The following THTPA variants were observed in gnomAD, a reference collection of about 807,000 sequenced individuals.
The protein encoded by THTPA is thiamine-triphosphatase.
A neutral mutation model predicts 16.5 loss-of-function variants in THTPA; 16 were observed. That is an observed-to-expected ratio of 0.97 (90% confidence interval 0.66 to 1.47). THTPA has a LOEUF of 1.47. Among genes scored for constraint, THTPA ranks in the 40% most tolerant of loss-of-function variants. The pLI, the probability that THTPA is intolerant of heterozygous loss-of-function variation, is 0.00. For synonymous variants in THTPA, 110 were observed against 115.5 expected, an observed-to-expected ratio of 0.95 and a Z score of 0.30; for missense variants, 281 against 280.9, an observed-to-expected ratio of 1.00 and a Z score of 0.00.
At chr14:23,524,374 C>T in the THTPA span, 14 of 1,536,230 alleles carry the variant, frequency 9.1e-6, no homozygotes, top group Non-Finnish European at 1.2e-5. This position sits in a 1 kb window ranked among gnomAD's most constrained non-coding sequence, Gnocchi z 5.6. Context: ...GGCGCTTGTC[C>T]CTGGGGGGCT....
chr14:23,527,743 G>A, the THTPA span: 3 of 1,536,140 alleles, frequency 2.0e-6, no homozygotes, highest in East Asian at 2.4e-5. Flanking sequence ...CTGGGAGAGT[G>A]TATGAGCCCT....
At chr14:23,516,027 G>A in the THTPA span, among the ~76,000 whole-genome samples, 1 of 152,120 alleles carries the variant, frequency 6.6e-6, no homozygotes, top group Non-Finnish European at 1.5e-5. Flanking sequence ...CCCTGGTGTG[G>A]TAGCCCCTGG....
chr14:23,517,621 T>A, the THTPA span, among the ~76,000 whole-genome samples: 2 of 152,224 alleles, frequency 1.3e-5, no homozygotes, highest in Non-Finnish European at 2.9e-5. Flanking sequence ...AAAAGTTTCC[T>A]CCTAATTTGC....
the THTPA span, chr14:23,525,049 C>T: frequency 2.0e-6 from 3 of 1,536,220 alleles, no homozygotes; most frequent in Admixed American, 2.0e-5. The surrounding 1 kb of genome is among the most constrained non-coding windows in gnomAD (Gnocchi z 5.9). Context: ...CCAGACCCAA[C>T]AGACTTGCGA....
chr14:23,553,699 C>T (rs1882137377), upstream of THTPA, among the ~76,000 whole-genome samples: 1 of 150,676 alleles, frequency 6.6e-6, no homozygotes, highest in Non-Finnish European at 1.5e-5. Flanking sequence ...TCGAGACCAT[C>T]CTGACTAACA....
chr14:23,552,689 C>T (rs1882067443), upstream of THTPA, among the ~76,000 whole-genome samples: 1 of 151,996 alleles, frequency 6.6e-6, no homozygotes, highest in African/African-American at 2.4e-5. Flanking sequence ...GCAACCTTCA[C>T]CTCCCAGGTT....
chr14:23,524,489 A>AG, the THTPA span: 1 of 1,529,948 alleles, frequency 6.5e-7, no homozygotes, highest in Non-Finnish European at 8.7e-7. The surrounding 1 kb of genome is among the most constrained non-coding windows in gnomAD (Gnocchi z 5.6). Flanking sequence ...GGCTGCCACC[A>AG]GGGGGTTTCT....
chr14:23,520,768 T>G, the THTPA span: 28 of 112,498 alleles, frequency 2.5e-4, no homozygotes, highest in Admixed American at 3.5e-3. This position sits in a 1 kb window ranked among gnomAD's most constrained non-coding sequence, Gnocchi z 8.7. Context: ...CTTCCAAAGA[T>G]GAGGTGGTTT....
the THTPA span, among the ~76,000 whole-genome samples, chr14:23,545,765 C>G: frequency 6.6e-6 from 1 of 152,090 alleles, no homozygotes; most frequent in African/African-American, 2.4e-5. Flanking sequence ...GTGATGGAGG[C>G]AAGAGAAGCA....
In THTPA at chr14:23,557,266, C is replaced by T. The variant is rs1882506418; in HGVS notation, c.509C>T (p.Thr170Ile). ...ALVHEEAEVPTALEKIHRLSS... is the reference protein window; with the variant it reads ...ALVHEEAEVPIALEKIHRLSS... ...GTGCATGAGGAGGCTGAAGTACCAACTGCCCTAGAGAAGATCCACAGGCTC... is the reference window on the plus strand; with the variant it reads ...GTGCATGAGGAGGCTGAAGTACCAATTGCCCTAGAGAAGATCCACAGGCTC... The change falls in exon 1 of 2, where the codon ACT becomes ATT. Residue 170 changes from threonine (T) to isoleucine (I), a missense_variant. Thr to Ile is a moderately conservative substitution (Grantham distance 89). Coordinates refer to ENST00000288014, the MANE Select transcript of THTPA (RefSeq NM_024328.6). 3 of 1,609,528 alleles carry T rather than the reference C, an allele frequency of 1.9e-6. No homozygotes were observed. The highest frequency in any genetic ancestry group is 4.5e-5 in the East Asian group (2 of 44,874).
At chr14:23,533,532 T>C in the THTPA span, 4 of 1,536,004 alleles carry the variant, frequency 2.6e-6, no homozygotes, top group African/African-American at 1.4e-5. The surrounding 1 kb of genome is among the most constrained non-coding windows in gnomAD (Gnocchi z 4.8). Flanking sequence ...GGTGCAGCAT[T>C]AGGACATTCT....
chr14:23,513,632 C>A, the THTPA span: 1 of 152,816 alleles, frequency 6.5e-6, no homozygotes, highest in South Asian at 2.1e-4. Context: ...TAGCTGCCAC[C>A]CTTGTGCCCA....
chr14:23,542,265 A>C, the THTPA span: 2 of 152,522 alleles, frequency 1.3e-5, no homozygotes, highest in African/African-American at 4.8e-5. Flanking sequence ...GGTGGGCATG[A>C]GTAGATTGGG....
At chr14:23,531,632 C>T in the THTPA span, 52 of 1,521,466 alleles carry the variant, frequency 3.4e-5, no homozygotes, top group Non-Finnish European at 4.5e-5. Flanking sequence ...GCAGCACAGC[C>T]AAGCGGGAGG....
chr14:23,524,361 G>T, the THTPA span: 1 of 1,536,246 alleles, frequency 6.5e-7, no homozygotes, highest in Non-Finnish European at 8.7e-7. This position sits in a 1 kb window ranked among gnomAD's most constrained non-coding sequence, Gnocchi z 5.6. Flanking sequence ...ATGGTGGTGC[G>T]CAGGCGCTTG....
the THTPA span, chr14:23,523,440 G>A: frequency 1.9e-5 from 29 of 1,535,190 alleles, no homozygotes; most frequent in Admixed American, 5.9e-5. This position sits in a 1 kb window ranked among gnomAD's most constrained non-coding sequence, Gnocchi z 4.1. Flanking sequence ...AGGTGCTGAC[G>A]GGAAAAGAGA....
chr14:23,525,130 C>T, the THTPA span: 3 of 1,536,174 alleles, frequency 2.0e-6, no homozygotes, highest in Admixed American at 2.0e-5. The surrounding 1 kb of genome is among the most constrained non-coding windows in gnomAD (Gnocchi z 5.9). Context: ...GGGTCTGGAA[C>T]TCTGTGAACT....
At chr14:23,526,179 C>G in the THTPA span, 2 of 1,536,408 alleles carry the variant, frequency 1.3e-6, no homozygotes, top group Non-Finnish European at 8.7e-7. Flanking sequence ...TTGTAGGAGA[C>G]TCTGCAGACT....
chr14:23,550,805 T>C, the THTPA span, among the ~76,000 whole-genome samples: 2 of 152,178 alleles, frequency 1.3e-5, no homozygotes, highest in East Asian at 3.9e-4. Flanking sequence ...GAACGAAGAC[T>C]GAGAGTATCC....
Sources: gnomAD v4.1 joint callset for allele counts (sites outside exome capture counted in the v4.1 genomes callset) on GRCh38, gnomAD v4.1.1 for gene constraint, Gnocchi (gnomAD v3.1) non-coding constraint, MANE v1.5 for transcripts, NCBI Gene and HGNC (gene_info 2026-07-23, HGNC 2026-07-21) for gene names.